The following TRPM5 variants were observed in gnomAD, a reference collection of about 807,000 sequenced individuals.
The protein encoded by TRPM5 is transient receptor potential cation channel subfamily M member 5.
TRPM5 carries 121 observed loss-of-function variants against 124.9 expected under a neutral mutation model. The ratio of observed to expected loss-of-function variants is 0.97; its 90% CI spans 0.84 to 1.13. The LOEUF is 1.13. Among genes scored for constraint, TRPM5 ranks in the 50% most tolerant of loss-of-function variants. The pLI, the probability that TRPM5 is intolerant of heterozygous loss-of-function variation, is 0.00. For synonymous variants in TRPM5, 781 were observed against 700.5 expected (o/e 1.11, Z -1.81); for missense variants, 1,643 against 1,589.1 (o/e 1.03, Z -0.58).
At chr11:2,422,452 T>G (rs1348896515) in intron 1 of TRPM5, 131 bp from the exon 7 acceptor site, 11 of 293,602 alleles carry the variant, frequency 3.7e-5, no homozygotes, top group South Asian at 9.7e-5. Flanking sequence ...CACTGGGAGG[T>G]GCTGGGCATC....
At chr11:2,412,351 C>CGTGCCATGGGG (rs1850469979) in intron 15 of TRPM5, 98 bp from the exon 21 acceptor site, 75 of 587,974 alleles carry the variant, frequency 1.3e-4, no homozygotes, top group Non-Finnish European at 1.5e-4. Flanking sequence ...ATCAGGGTTC[C>CGTGCCATGGGG]ATCTATGACC....
the TRPM5 span, among the ~76,000 whole-genome samples, chr11:2,442,269 T>C: frequency 6.6e-6 from 1 of 152,210 alleles, no homozygotes; most frequent in African/African-American, 2.4e-5. This position sits in a 1 kb window ranked among gnomAD's most constrained non-coding sequence, Gnocchi z 5.9. Flanking sequence ...TATGCTAATA[T>C]AGTCCATTCA....
chr11:2,420,367 G>T (rs1194781772), exon 4 of TRPM5: 1 of 1,612,568 alleles, frequency 6.2e-7, no homozygotes, highest in African/African-American at 1.3e-5. Context: ...GGCCCTGGCT[G>T]CCGCCGTCAT....
chr11:2,419,260 A>G (rs1211813747), intron 4 of TRPM5, among the ~76,000 whole-genome samples: 1 of 152,000 alleles, frequency 6.6e-6, no homozygotes, highest in Non-Finnish European at 1.5e-5. Flanking sequence ...GCAGAGCCAG[A>G]CCCTCCGCCT....
chr11:2,418,112 C>T (rs1589873243), intron 6 of TRPM5, 55 bp downstream of exon 11: 1 of 1,458,620 alleles, frequency 6.9e-7, no homozygotes, highest in Non-Finnish European at 9.2e-7. Flanking sequence ...TCCCAGAGGA[C>T]CAGCCCCACC....
chr11:2,427,131 C>T (rs753704063), upstream of TRPM5, among the ~76,000 whole-genome samples: 1 of 152,194 alleles, frequency 6.6e-6, no homozygotes, highest in Non-Finnish European at 1.5e-5. Flanking sequence ...CGGCCCTTCA[C>T]AGCCCAGGGA....
intron 7 of TRPM5, among the ~76,000 whole-genome samples, chr11:2,417,409 C>T (rs937191119): frequency 1.4e-4 from 22 of 152,268 alleles, no homozygotes; most frequent in East Asian, 3.9e-4. Context: ...GAGCCGAGAT[C>T]GCAGCACTGC....
At chr11:2,404,982 A>G (rs1565004392) in exon 24 of TRPM5, 1 of 1,612,768 alleles carries the variant, frequency 6.2e-7, no homozygotes, top group Non-Finnish European at 8.5e-7. Context: ...GTTCCCAGCC[A>G]TCTAAACCAC....
chr11:2,408,018 G>T, intron 18 of TRPM5, 106 bp from the exon 24 acceptor site: 1 of 1,423,304 alleles, frequency 7.0e-7, no homozygotes, highest in Non-Finnish European at 9.5e-7. Context: ...GAACCCAGGG[G>T]ACGGGGTGCT....
chr11:2,421,248 C>T (rs1220783470), intron 2 of TRPM5, 50 bp from the exon 8 acceptor site: 71 of 1,511,136 alleles, frequency 4.7e-5, no homozygotes, highest in Non-Finnish European at 5.8e-5. Flanking sequence ...CAGGTCTTCC[C>T]TAGCTGGCCC....
chr11:2,415,028 C>A, exon 10 of TRPM5: 1 of 1,602,748 alleles, frequency 6.2e-7, no homozygotes, highest in South Asian at 1.1e-5. Flanking sequence ...GCCCGTGGGC[C>A]GCTTGGCCGG....
At chr11:2,416,086 A>G in intron 7 of TRPM5, 62 bp from the exon 13 acceptor site, 1 of 1,315,904 alleles carries the variant, frequency 7.6e-7, no homozygotes, top group Non-Finnish European at 1.1e-6. Context: ...GAGCCGGGGC[A>G]CAGGGTCCCC....
chr11:2,430,693 TGGA>T, the TRPM5 span, among the ~76,000 whole-genome samples: 4 of 150,148 alleles, frequency 2.7e-5, no homozygotes, highest in Non-Finnish European at 5.9e-5. Flanking sequence ...GTGGTGGTGA[TGGA>T]GGCGGTGTTG....
At chr11:2,412,702 C>A in intron 15 of TRPM5, 52 bp downstream of exon 20, 1 of 1,513,598 alleles carries the variant, frequency 6.6e-7, no homozygotes. Context: ...GCTTAGGTTG[C>A]CCAACCTGAA....
chr11:2,436,835 A>T, the TRPM5 span, among the ~76,000 whole-genome samples: 4 of 152,262 alleles, frequency 2.6e-5, no homozygotes, highest in Non-Finnish European at 5.9e-5. Flanking sequence ...GCATGAGACC[A>T]GCTCAGAGAG....
chr11:2,420,823 C>A (rs1845761250), intron 3 of TRPM5, among the ~76,000 whole-genome samples: 2 of 152,166 alleles, frequency 1.3e-5, no homozygotes, highest in South Asian at 4.1e-4. Flanking sequence ...CCGTGTGGTA[C>A]AGGAGGGGGT....
chr11:2,412,201 A>G, exon 16 of TRPM5: 2 of 1,613,572 alleles, frequency 1.2e-6, no homozygotes, highest in Non-Finnish European at 1.7e-6. Flanking sequence ...GTTGTCCCCC[A>G]CATACAGTGT....
At chr11:2,429,067 G>A in the TRPM5 span, among the ~76,000 whole-genome samples, 1 of 150,846 alleles carries the variant, frequency 6.6e-6, no homozygotes, top group Non-Finnish European at 1.5e-5. The surrounding 1 kb of genome is among the most constrained non-coding windows in gnomAD (Gnocchi z 8.4). Context: ...GGTGATGATG[G>A]TTGTGGTGGT....
At chr11:2,410,104 G>A (rs553569734) in intron 18 of TRPM5, among the ~76,000 whole-genome samples, 325 of 152,266 alleles carry the variant, frequency 2.1e-3, no homozygotes, top group Non-Finnish European at 3.5e-3. Flanking sequence ...AGGTGGGGTC[G>A]CAGGCAGGCA....
Sources: gnomAD v4.1 joint callset for allele counts (sites outside exome capture counted in the v4.1 genomes callset) on GRCh38, gnomAD v4.1.1 for gene constraint, Gnocchi (gnomAD v3.1) non-coding constraint, MANE v1.5 for transcripts, NCBI Gene and HGNC (gene_info 2026-07-23, HGNC 2026-07-21) for gene names.